Variants in SBK1 observed in about 807,000 individuals in gnomAD.
The protein encoded by SBK1 is serine/threonine-protein kinase SBK1.
A neutral mutation model predicts 24.4 loss-of-function variants in SBK1; 11 were observed. That is an observed-to-expected ratio of 0.45 (90% CI 0.28 to 0.75). The LOEUF (loss-of-function observed/expected upper bound fraction) is 0.75, where lower values mean the gene tolerates loss of function less well. Among genes scored for constraint, SBK1 ranks in the 30% least tolerant of loss-of-function variants. The pLI, the probability that SBK1 is intolerant of heterozygous loss-of-function variation, is 0.12. For missense variants in SBK1, 467 were observed against 620.5 expected, an observed-to-expected ratio of 0.75 and a Z score of 2.63; for synonymous variants, 308 against 284.4, an observed-to-expected ratio of 1.08 and a Z score of -0.83.
Position 28,292,752 on chromosome 16 carries a change from G to A in SBK1, c.-556G>A, listed in dbSNP as rs1436783085. 4 of 984,968 alleles carry A rather than the reference G, an allele frequency of 4.1e-6. No individual in the cohort carries two copies. The highest frequency in any genetic ancestry group is 5.2e-4 in the Middle Eastern group (1 of 1,936). 61.0% of individuals were successfully genotyped at this position (984,968 alleles called of 1,614,324 possible). A position where few individuals can be genotyped will look rare whatever the true frequency, so the allele number is the denominator to read the frequency against. On this transcript the variant is annotated 5_prime_UTR_variant, in exon 1 of 4. Transcript: ENST00000341901. The stretch of plus-strand genomic sequence containing the variant: ...CCCCCGCAGCCGAGGAGTGCGGGGA[G>A]CCCCCTTCCACATCCAGGATCCGGC...
rs1337526966 is a variant in SBK1, at chr16:28,323,620, G to A, written c.*2699G>A. 6.5e-6 allele frequency: 1 copy of A among 152,746 alleles called. No individual in the cohort carries two copies. Among genetic ancestry groups the A allele is most frequent in the East Asian group, 1.9e-4 (1 of 5,296 alleles). The allele number at this position is 152,746 out of a possible 1,614,324, so 9.5% of individuals were successfully genotyped here. A position where few individuals can be genotyped will look rare whatever the true frequency, so the allele number is the denominator to read the frequency against. On this transcript the variant is annotated 3_prime_UTR_variant, in exon 4 of 4. Coordinates refer to ENST00000341901, the MANE Select transcript of SBK1 (RefSeq NM_001024401.3). ...CCCTGAGCCCACACTGTGGCCAGTG[G>A]GACAGTCCTGGTGGCTGACATCAGC...
rs1352117256 is a variant in SBK1 at position 28,321,189 on chromosome 16, AC to A, written c.*269del. On this transcript the variant is annotated 3_prime_UTR_variant, in exon 4 of 4. Transcript: ENST00000341901. ...ATTCGGAGGCCACCACACAACACACACACACACACACACACACACACACACA... is the reference window on the plus strand; with the variant it reads ...ATTCGGAGGCCACCACACAACACACAACACACACACACACACACACACACA... The A allele has an allele frequency of 9.0e-5, 1 of 11,142 alleles. No individual in the cohort carries two copies. Among genetic ancestry groups the A allele is most frequent in the Non-Finnish European group, 3.2e-4 (1 of 3,080 alleles). 0.7% of individuals were successfully genotyped at this position (11,142 alleles called of 1,614,324 possible). A position where few individuals can be genotyped will look rare whatever the true frequency, so the allele number is the denominator to read the frequency against.
intron 1 of SBK1, among the ~76,000 whole-genome samples, chr16:28,270,689 C>T (rs971696756): frequency 3.3e-5 from 5 of 151,906 alleles, no homozygotes; most frequent in Admixed American, 2.6e-4. Flanking sequence ...TCCCAAAGTG[C>T]TGGGATTACA....
intron 1 of SBK1, among the ~76,000 whole-genome samples, chr16:28,299,849 C>G (rs535336860): frequency 1.3e-5 from 2 of 152,350 alleles, no homozygotes; most frequent in South Asian, 4.1e-4. Context: ...TGAATGACAA[C>G]AGCCATCCCT....
At chr16:28,301,619 T>C (rs1031783522) in intron 1 of SBK1, among the ~76,000 whole-genome samples, 3 of 152,166 alleles carry the variant, frequency 2.0e-5, no homozygotes, top group Non-Finnish European at 2.9e-5. Flanking sequence ...GCCTTCTGCC[T>C]CAAGTGGGTT....
In SBK1 at chr16:28,293,575, G is replaced by A. The variant is rs543739250; in HGVS notation, c.-8+275G>A. 6.0e-5 allele frequency among the ~76,000 whole-genome samples: 9 copies of A among 150,080 alleles called. No individual in the cohort carries two copies. The East Asian group carries it at 7.9e-4, about 13-fold the overall frequency. The stretch of plus-strand genomic sequence containing the variant: ...AGCCCGTTGTGCCATGGAGAGGGGG[G>A]AAGAGGGCGGAGAGTCCCCCCCCAA... On this transcript the variant is annotated intron_variant, in intron 1 of 3. Transcript: ENST00000341901.
At chr16:28,277,810 GAGAC>G (rs765255997) in intron 1 of SBK1, among the ~76,000 whole-genome samples, 1 of 152,166 alleles carries the variant, frequency 6.6e-6, no homozygotes. Flanking sequence ...AACAGAGACA[GAGAC>G]AGAGCGCGCG....
chr16:28,323,536 G>A lies in SBK1; in HGVS notation c.*2615G>A, dbSNP rs1352957943. Reference sequence around the variant, plus strand: ...CCCTGGATGGGAGGCGGGGCCACAGGTCGGCTAGAGGGTCTCCACCAGGCC... The same window carrying A: ...CCCTGGATGGGAGGCGGGGCCACAGATCGGCTAGAGGGTCTCCACCAGGCC... On this transcript the variant is annotated 3_prime_UTR_variant, in exon 4 of 4. Transcript: ENST00000341901. The A allele has an allele frequency of 6.5e-6, 1 of 152,718 alleles. No individual in the cohort carries two copies. Among genetic ancestry groups the A allele is most frequent in the Non-Finnish European group, 1.5e-5 (1 of 68,076 alleles). The allele number at this position is 152,718 out of a possible 1,614,324, so 9.5% of individuals were successfully genotyped here.
intron 1 of SBK1, among the ~76,000 whole-genome samples, chr16:28,302,928 A>G (rs1192411940): frequency 2.7e-5 from 4 of 148,834 alleles, no homozygotes; most frequent in African/African-American, 9.8e-5. Context: ...TGAGAAAGTG[A>G]TACATCCTAC....
intron 1 of SBK1, among the ~76,000 whole-genome samples, chr16:28,316,079 G>T (rs1233173685): frequency 1.3e-5 from 2 of 152,058 alleles, no homozygotes; most frequent in Admixed American, 6.6e-5. Context: ...TACAATTTTT[G>T]AAAAAGTCAG....
At chr16:28,272,143 C>T (rs1341163444) in intron 1 of SBK1, among the ~76,000 whole-genome samples, 1 of 152,180 alleles carries the variant, frequency 6.6e-6, no homozygotes. Flanking sequence ...AATCACAGCT[C>T]ACTGCAGCCT....
At chr16:28,284,038 G>A (rs988254723) in intron 1 of SBK1, among the ~76,000 whole-genome samples, 3 of 152,180 alleles carry the variant, frequency 2.0e-5, no homozygotes, top group South Asian at 2.1e-4. Context: ...CGTGTTGTAC[G>A]CTGTCTCTGT....
chr16:28,293,483 C>G (rs1264459678), intron 1 of SBK1, among the ~76,000 whole-genome samples, 183 bp downstream of exon 1: 1 of 152,168 alleles, frequency 6.6e-6, no homozygotes, highest in Non-Finnish European at 1.5e-5. Context: ...CTCTCCCTTC[C>G]CCCACCCCAC....
upstream of SBK1, among the ~76,000 whole-genome samples, chr16:28,288,495 C>T (rs955041799): frequency 4.6e-5 from 7 of 152,312 alleles, no homozygotes; most frequent in East Asian, 1.9e-4. Flanking sequence ...CTAGAGCCCC[C>T]GCCTCCTTGC....
At chr16:28,283,567 C>T (rs2044546649) in intron 1 of SBK1, among the ~76,000 whole-genome samples, 1 of 152,132 alleles carries the variant, frequency 6.6e-6, no homozygotes, top group South Asian at 2.1e-4. Context: ...GAAACAATTG[C>T]TAAGGCCATG....
rs139115410 is a variant in SBK1 at position 28,302,718 on chromosome 16, C to T, written c.-8+9418C>T. Among the ~76,000 whole-genome samples, 87 of 152,316 alleles carry T rather than the reference C, an allele frequency of 5.7e-4. 1 individual carries two copies. The highest frequency in any genetic ancestry group is 8.3e-4 in the South Asian group (4 of 4,816). On this transcript the variant is annotated intron_variant, in intron 1 of 3. Coordinates refer to ENST00000341901, the MANE Select transcript of SBK1 (RefSeq NM_001024401.3). ...CTACCCCTTTTCACCCAGTTCCTGC[C>T]ATTCTCCTCAGAGGTTAATTCATTT...
chr16:28,278,802 C>T (rs1371306734), intron 1 of SBK1, among the ~76,000 whole-genome samples: 1 of 152,222 alleles, frequency 6.6e-6, no homozygotes, highest in Non-Finnish European at 1.5e-5. Context: ...CCACTGCTGC[C>T]GTTTGTCCCC....
At position 28,317,337 on chromosome 16, in the gene SBK1, G is replaced by A. The variant is rs966446051; in HGVS notation, c.-7-48G>A. ...GGAGGGCAGAGGGGCTGGAGGAGGGGACCCTTGCCTGATGTCACACTTCAT... is the reference window on the plus strand; with the variant it reads ...GGAGGGCAGAGGGGCTGGAGGAGGGAACCCTTGCCTGATGTCACACTTCAT... On this transcript the variant is annotated intron_variant, in intron 1 of 3. Coordinates refer to ENST00000341901, the MANE Select transcript of SBK1 (RefSeq NM_001024401.3). The surrounding 1 kb of genome is among the most constrained non-coding windows in gnomAD (Gnocchi z 4.2). The A allele has an allele frequency of 1.7e-4, 239 of 1,443,426 alleles. No individual in the cohort carries two copies. The highest frequency in any genetic ancestry group is 2.4e-4 in the Admixed American group (14 of 58,946). 89.4% of individuals were successfully genotyped at this position (1,443,426 alleles called of 1,614,324 possible).
chr16:28,279,207 C>T (rs75962558), intron 1 of SBK1, among the ~76,000 whole-genome samples: 1 of 115,246 alleles, frequency 8.7e-6, no homozygotes, highest in East Asian at 2.8e-4. Context: ...GAGACTCTGT[C>T]AAAAAAAAAA....
Sources: gnomAD v4.1 joint callset for allele counts (sites outside exome capture counted in the v4.1 genomes callset) on GRCh38, gnomAD v4.1.1 for gene constraint, Gnocchi (gnomAD v3.1) non-coding constraint, MANE v1.5 for transcripts, NCBI Gene and HGNC (gene_info 2026-07-23, HGNC 2026-07-21) for gene names.